The following TTF2 variants were observed in gnomAD, a reference collection of about 807,000 sequenced individuals.
TTF2 encodes the protein RNA polymerase II termination factor.
TTF2 carries 108 observed loss-of-function variants against 142.4 expected under a neutral mutation model. The observed-to-expected ratio is 0.76, with a 90% confidence interval of 0.65 to 0.89. The LOEUF (loss-of-function observed/expected upper bound fraction) is 0.89. Among genes scored for constraint, TTF2 ranks in the 40% least tolerant of loss-of-function variants. The probability of loss-of-function intolerance (pLI) is 0.00; values close to 1 mark genes in which losing one functional copy is unlikely to be tolerated. For synonymous variants in TTF2, 483 were observed against 506.2 expected, an observed-to-expected ratio of 0.95 and a Z score of 0.61; for missense variants, 1,327 against 1,379.8, an observed-to-expected ratio of 0.96 and a Z score of 0.61.
At chr1:117,096,349 C>T (rs1205584300) in intron 20 of TTF2, 50 bp downstream of exon 20, 1 of 1,577,692 alleles carries the variant, frequency 6.3e-7, no homozygotes, top group Non-Finnish European at 8.6e-7. Context: ...CTGAGTTATA[C>T]AAAGAGAATT....
chr1:117,068,011 CTG>C (rs1156455996), intron 3 of TTF2, among the ~76,000 whole-genome samples: 1 of 152,232 alleles, frequency 6.6e-6, no homozygotes, highest in Non-Finnish European at 1.5e-5. Context: ...CCATGGCCCT[CTG>C]TGTACAGGCA....
At chr1:117,062,682 G>A (rs937959348) in intron 3 of TTF2, among the ~76,000 whole-genome samples, 1 of 152,094 alleles carries the variant, frequency 6.6e-6, no homozygotes, top group Admixed American at 6.6e-5. Flanking sequence ...TAATTTTCAC[G>A]TAAATGGCTC....
chr1:117,089,190 C>T (rs1375907540), intron 13 of TTF2, among the ~76,000 whole-genome samples: 1 of 150,164 alleles, frequency 6.7e-6, no homozygotes, highest in Non-Finnish European at 1.5e-5. Flanking sequence ...ACATTCAGCC[C>T]TTATATATAT....
intron 9 of TTF2, 21 bp from the exon 10 acceptor site, chr1:117,081,807 A>T: frequency 6.2e-7 from 1 of 1,609,156 alleles, no homozygotes. Flanking sequence ...TAACTCTCTT[A>T]ATTTTGCTTT....
Position 117,090,809 on chromosome 1 carries a change from C to T in TTF2, c.2588+186C>T, listed in dbSNP as rs1648512768. On this transcript the variant is annotated intron_variant, in intron 15 of 22. Coordinates refer to ENST00000369466, the MANE Select transcript of TTF2 (RefSeq NM_003594.4). This position sits in a 1 kb window ranked among gnomAD's most constrained non-coding sequence, Gnocchi z 4.8. ...CTCCCCAGCTTACCTCTGTCTCATA[C>T]ACACATGGAAGGCAAAATTTTGAAC... Among the ~76,000 whole-genome samples, 1 of 151,944 alleles carries T rather than the reference C, an allele frequency of 6.6e-6. No homozygotes were observed. The highest frequency in any genetic ancestry group is 2.4e-5 in the African/African-American group (1 of 41,318).
At chr1:117,062,335 T>C (rs1357582272) in intron 2 of TTF2, 52 bp from the exon 3 acceptor site, 1 of 1,547,324 alleles carries the variant, frequency 6.5e-7, no homozygotes, top group Non-Finnish European at 8.9e-7. Context: ...CTTTAGGATA[T>C]TGATCTCTGT....
Position 117,076,588 on chromosome 1 carries a change from C to G in TTF2, c.1391-53C>G, listed in dbSNP as rs1483776563. ...TGACCTCACCTCCACACATATGGTCCCTTCACTTAGTTTGCTGAACTTTAA... is the reference window on the plus strand; with the variant it reads ...TGACCTCACCTCCACACATATGGTCGCTTCACTTAGTTTGCTGAACTTTAA... On this transcript the variant is annotated intron_variant, in intron 6 of 22. Coordinates refer to ENST00000369466, the MANE Select transcript of TTF2 (RefSeq NM_003594.4). The surrounding 1 kb of genome is among the most constrained non-coding windows in gnomAD (Gnocchi z 4.6). 8 of 1,548,500 alleles carry G rather than the reference C, an allele frequency of 5.2e-6. No homozygotes were observed. The highest frequency in any genetic ancestry group is 3.6e-5 in the Admixed American group (2 of 55,410).
At chr1:117,098,955 G>A in intron 22 of TTF2, 48 bp downstream of exon 22, 1 of 1,522,356 alleles carries the variant, frequency 6.6e-7, no homozygotes, top group Non-Finnish European at 9.0e-7. Flanking sequence ...CTTGTACTTT[G>A]TGAAAGTCTT....
rs888525796 is a variant in TTF2 at position 117,073,721 on chromosome 1, A to G, written c.279A>G (p.Pro93=). 1 of 1,612,180 alleles carries G rather than the reference A, an allele frequency of 6.2e-7. No homozygotes were observed. The highest frequency in any genetic ancestry group is 8.5e-7 in the Non-Finnish European group (1 of 1,178,570). The change falls in exon 4 of 23, where the codon CCA becomes CCG. Residue 93 remains proline, a synonymous_variant. Coordinates refer to ENST00000369466, the MANE Select transcript of TTF2 (RefSeq NM_003594.4). This position sits in a 1 kb window ranked among gnomAD's most constrained non-coding sequence, Gnocchi z 4.4. ...GGAAACGCTGGTGTGGAAGTATTCCATGGCAGGTAGGAATTATTCATCTGT... is the reference window on the plus strand; with the variant it reads ...GGAAACGCTGGTGTGGAAGTATTCCGTGGCAGGTAGGAATTATTCATCTGT... ...AEGKRWCGSI[P]WQDPDSKEHS...
At position 117,085,476 on chromosome 1, in the gene TTF2, C is replaced by T. The variant is rs1309154348; in HGVS notation, c.2055-941C>T. Among the ~76,000 whole-genome samples, 2 of 152,056 alleles carry T rather than the reference C, an allele frequency of 1.3e-5. No homozygotes were observed. The highest frequency in any genetic ancestry group is 2.9e-5 in the Non-Finnish European group (2 of 68,034). On this transcript the variant is annotated intron_variant, in intron 11 of 22. Transcript: ENST00000369466. This position sits in a 1 kb window ranked among gnomAD's most constrained non-coding sequence, Gnocchi z 4.7. Reference sequence around the variant, plus strand: ...GCTGAGGTGGGAGAATCGCTTGAGCCTGGAAGGTGGAGGTTGCAGTGAGCC... The same window carrying T: ...GCTGAGGTGGGAGAATCGCTTGAGCTTGGAAGGTGGAGGTTGCAGTGAGCC...
In TTF2 at chr1:117,072,043, G is replaced by A. The variant is rs1161496096; in HGVS notation, c.219-1618G>A. Among the ~76,000 whole-genome samples the A allele has an allele frequency of 2.0e-5, 3 of 152,116 alleles. No individual in the cohort carries two copies. In the East Asian group the frequency reaches 5.8e-4, roughly 29 times the overall value. On this transcript the variant is annotated intron_variant, in intron 3 of 22. Coordinates refer to ENST00000369466, the MANE Select transcript of TTF2 (RefSeq NM_003594.4). The stretch of plus-strand genomic sequence containing the variant: ...GATGGTAGACAGATTGGGATGATGA[G>A]GATATCCTTTGGATGGAGAGTAGTA...
Position 117,075,054 on chromosome 1 carries a change from A to C in TTF2, c.470A>C (p.Glu157Ala). ...AAGAAGGCTGATAAGAAGCAAAGAG[A>C]AAAGGGAGATCAGCTTTTCGATCAA... is the stretch of plus-strand genomic sequence containing the variant. ...EEKKADKKQR[E>A]KGDQLFDQKK... Residue 157 changes from glutamate (E) to alanine (A), a missense_variant, in exon 5 of 23, where the codon GAA becomes GCA. Transcript: ENST00000369466. The surrounding 1 kb of genome is among the most constrained non-coding windows in gnomAD (Gnocchi z 4.5). 1 of 1,614,014 alleles carries C rather than the reference A, an allele frequency of 6.2e-7. No individual in the cohort carries two copies. Among genetic ancestry groups the C allele is most frequent in the Non-Finnish European group, 8.5e-7 (1 of 1,179,992 alleles).
rs1649299956 is a variant in TTF2 at position 117,097,930 on chromosome 1, A to G, written c.3269+497A>G. On this transcript the variant is annotated intron_variant, in intron 21 of 22. Transcript: ENST00000369466. This position sits in a 1 kb window ranked among gnomAD's most constrained non-coding sequence, Gnocchi z 4.1. The stretch of plus-strand genomic sequence containing the variant: ...TGTATGTAGTGTTAATACCAGGAGT[A>G]CAACCACATCTTTCGTGGCTACAGA... Among the ~76,000 whole-genome samples the G allele has an allele frequency of 6.6e-6, 1 of 152,242 alleles. No individual in the cohort carries two copies. Among genetic ancestry groups the G allele is most frequent in the South Asian group, 2.1e-4 (1 of 4,834 alleles).
Position 117,092,077 on chromosome 1 carries a change from T to C in TTF2, c.2805+127T>C, listed in dbSNP as rs1202606445. On this transcript the variant is annotated intron_variant, in intron 17 of 22. Transcript: ENST00000369466. This position sits in a 1 kb window ranked among gnomAD's most constrained non-coding sequence, Gnocchi z 4.4. Reference sequence around the variant, plus strand: ...AGGAAATGCTGTTTCGGTTTTTCTATTTTTGTTTTTTGGTGGGTTGGAGAA... The same window carrying C: ...AGGAAATGCTGTTTCGGTTTTTCTACTTTTGTTTTTTGGTGGGTTGGAGAA... 1.9e-6 allele frequency: 2 copies of C among 1,071,666 alleles called. No homozygotes were observed. The highest frequency in any genetic ancestry group is 1.6e-5 in the African/African-American group (1 of 62,668). 66.4% of individuals were successfully genotyped at this position (1,071,666 alleles called of 1,614,324 possible).
Position 117,105,430 on chromosome 1 carries a change from A to G in TTF2, c.*3906A>G, listed in dbSNP as rs1649868438. ...TTTAAAAACCTTGTCAGTGACTCCC[A>G]TTGCAGGCCCAGCGCAGTGGTTCAC... On this transcript the variant is annotated 3_prime_UTR_variant, in exon 23 of 23. Coordinates refer to ENST00000369466, the MANE Select transcript of TTF2 (RefSeq NM_003594.4). The surrounding 1 kb of genome is among the most constrained non-coding windows in gnomAD (Gnocchi z 4.7). 6.6e-6 allele frequency: 1 copy of G among 152,270 alleles called. No homozygotes were observed. Among genetic ancestry groups the G allele is most frequent in the South Asian group, 2.1e-4 (1 of 4,830 alleles). 9.4% of individuals were successfully genotyped at this position (152,270 alleles called of 1,614,324 possible).
chr1:117,074,115 C>T (rs1656798792), intron 4 of TTF2, among the ~76,000 whole-genome samples: 1 of 152,018 alleles, frequency 6.6e-6, no homozygotes. Flanking sequence ...AGGAGCATCT[C>T]CTAATAGGAG....
chr1:117,071,243 A>G (rs1187988667), intron 3 of TTF2, among the ~76,000 whole-genome samples: 1 of 152,152 alleles, frequency 6.6e-6, no homozygotes, highest in African/African-American at 2.4e-5. Context: ...AAAGGATAAG[A>G]AACAGCTGAA....
chr1:117,087,919 C>T lies in TTF2; in HGVS notation c.2161-882C>T, dbSNP rs1648171070. Among the ~76,000 whole-genome samples, 1 of 152,196 alleles carries T rather than the reference C, an allele frequency of 6.6e-6. No homozygotes were observed. Among genetic ancestry groups the T allele is most frequent in the African/African-American group, 2.4e-5 (1 of 41,440 alleles). On this transcript the variant is annotated intron_variant, in intron 12 of 22. Transcript: ENST00000369466. The surrounding 1 kb of genome is among the most constrained non-coding windows in gnomAD (Gnocchi z 4.8). ...TGTTTCTTCAGCAGACGTTGAGTAT[C>T]CACTATGGGTCAGGTGCTGTTTCGT...
At chr1:117,069,268 T>C (rs1174554490) in intron 3 of TTF2, among the ~76,000 whole-genome samples, 1 of 152,156 alleles carries the variant, frequency 6.6e-6, no homozygotes, top group Admixed American at 6.5e-5. Context: ...TGTACTGAGA[T>C]TGGGGTGCAG....
Sources: allele counts gnomAD v4.1 joint callset (sites outside exome capture counted in the v4.1 genomes callset), GRCh38; gene constraint gnomAD v4.1.1; non-coding constraint Gnocchi (gnomAD v3.1); transcripts MANE v1.5; gene names NCBI Gene and HGNC (gene_info 2026-07-23, HGNC 2026-07-21).